ZPBP: variants seen among roughly 807,000 people sequenced by gnomAD.
ZPBP encodes zona pellucida-binding protein 1.
A neutral mutation model predicts 44.8 loss-of-function variants in ZPBP; 26 were observed. The observed-to-expected ratio is 0.58, with a 90% CI of 0.43 to 0.81. The LOEUF is 0.81. Ranked by LOEUF, ZPBP falls within the 30% of genes least tolerant of loss-of-function variation. The pLI, the probability that ZPBP is intolerant of heterozygous loss-of-function variation, is 0.00. For synonymous variants in ZPBP, 174 were observed against 153.2 expected, an observed-to-expected ratio of 1.14 and a Z score of -1.00; for missense variants, 409 against 434.0, an observed-to-expected ratio of 0.94 and a Z score of 0.51.
intron 3 of ZPBP, among the ~76,000 whole-genome samples, chr7:50,080,859 T>C (rs1802320384): frequency 6.6e-6 from 1 of 151,768 alleles, no homozygotes; most frequent in African/African-American, 2.4e-5. Flanking sequence ...GCAGAGGTTA[T>C]GTCTGATCTT....
intron 6 of ZPBP, among the ~76,000 whole-genome samples, chr7:49,988,708 G>T (rs1797431233): frequency 6.6e-6 from 1 of 152,126 alleles, no homozygotes; most frequent in Admixed American, 6.5e-5. Context: ...ACTCTGACAG[G>T]CAGTCTCAAA....
chr7:49,950,009 A>C (rs1795268252), intron 7 of ZPBP, among the ~76,000 whole-genome samples: 1 of 151,938 alleles, frequency 6.6e-6, no homozygotes, highest in Non-Finnish European at 1.5e-5. Context: ...CCAATATTAG[A>C]TAAAGACCTT....
chr7:49,849,875 G>A (rs1790106969), downstream of ZPBP, among the ~76,000 whole-genome samples: 1 of 152,216 alleles, frequency 6.6e-6, no homozygotes, highest in African/African-American at 2.4e-5. Context: ...GGGACTGAGA[G>A]GACCCTGGAG....
intron 4 of ZPBP, among the ~76,000 whole-genome samples, chr7:50,038,658 T>C (rs1799930221): frequency 1.3e-5 from 2 of 152,352 alleles, no homozygotes; most frequent in South Asian, 4.1e-4. Context: ...CCAGAGTTGC[T>C]ACAATATACA....
chr7:50,024,849 G>T (rs1166236468), intron 5 of ZPBP, among the ~76,000 whole-genome samples: 2 of 151,848 alleles, frequency 1.3e-5, no homozygotes, highest in African/African-American at 4.8e-5. Flanking sequence ...TCTTACCATG[G>T]GGTGGAGGGG....
At chr7:50,034,180 A>AG (rs1799726896) in intron 4 of ZPBP, among the ~76,000 whole-genome samples, 1 of 150,476 alleles carries the variant, frequency 6.6e-6, no homozygotes, top group Admixed American at 6.6e-5. Flanking sequence ...TTTGTTTTTG[A>AG]GGGTTTTTTT....
chr7:49,905,724 C>T (rs1793049200), intron 1 of ZPBP, among the ~76,000 whole-genome samples: 1 of 152,136 alleles, frequency 6.6e-6, no homozygotes, highest in South Asian at 2.1e-4. Flanking sequence ...GGGCTGCATT[C>T]CCAGATGGTT....
chr7:49,936,760 AAT>A (rs1794630815), downstream of ZPBP, among the ~76,000 whole-genome samples: 1 of 152,240 alleles, frequency 6.6e-6, no homozygotes, highest in South Asian at 2.1e-4. Context: ...ATGAGTAATT[AAT>A]ATCTGTTATA....
intron 6 of ZPBP, among the ~76,000 whole-genome samples, chr7:49,993,457 C>T (rs1376893374): frequency 6.6e-6 from 1 of 151,992 alleles, no homozygotes; most frequent in Admixed American, 6.6e-5. Context: ...TTGAAACATT[C>T]CAATTAAAAT....
At chr7:50,025,603 T>C (rs1228708202) in intron 5 of ZPBP, among the ~76,000 whole-genome samples, 4 of 151,862 alleles carry the variant, frequency 2.6e-5, no homozygotes, top group Non-Finnish European at 5.9e-5. Context: ...TCTAGACTTA[T>C]ACCTTTCACC....
intron 6 of ZPBP, among the ~76,000 whole-genome samples, chr7:50,000,205 T>C (rs1163428042): frequency 6.6e-6 from 1 of 152,170 alleles, no homozygotes; most frequent in Admixed American, 6.5e-5. Context: ...AATATTCTAA[T>C]TTTAAGCCTT....
intron 4 of ZPBP, among the ~76,000 whole-genome samples, chr7:50,038,278 A>G (rs1283411816): frequency 6.6e-6 from 1 of 152,178 alleles, no homozygotes; most frequent in Non-Finnish European, 1.5e-5. Context: ...ATCTCAAAGG[A>G]ACTGGTTTCA....
chr7:50,038,568 C>A (rs1239874217), intron 4 of ZPBP, among the ~76,000 whole-genome samples: 1 of 152,126 alleles, frequency 6.6e-6, no homozygotes, highest in Non-Finnish European at 1.5e-5. Flanking sequence ...TCAGAGATAG[C>A]CCTGCCAAAA....
At chr7:49,877,610 C>T (rs1247732767) in intron 2 of ZPBP, among the ~76,000 whole-genome samples, 3 of 141,720 alleles carry the variant, frequency 2.1e-5, no homozygotes, top group Middle Eastern at 7.4e-3. Flanking sequence ...ATGGATGGAC[C>T]AAATTTGGTC....
At chr7:50,089,251 C>T (rs1036976039) in intron 2 of ZPBP, among the ~76,000 whole-genome samples, 2 of 151,962 alleles carry the variant, frequency 1.3e-5, no homozygotes, top group Non-Finnish European at 2.9e-5. Flanking sequence ...TTAAAAACCA[C>T]CAAAACAAGT....
chr7:50,076,129 G>A (rs925185666), intron 3 of ZPBP, among the ~76,000 whole-genome samples: 9 of 151,814 alleles, frequency 5.9e-5, no homozygotes, highest in African/African-American at 2.2e-4. Context: ...GATATATCAT[G>A]TTAACAGAAT....
chr7:49,955,157 G>A (rs1393707788), intron 7 of ZPBP, among the ~76,000 whole-genome samples: 1 of 152,042 alleles, frequency 6.6e-6, no homozygotes, highest in African/African-American at 2.4e-5. Flanking sequence ...AATAAAATTA[G>A]TGGGCTATAG....
chr7:49,964,324 T>A (rs984071559), intron 7 of ZPBP, among the ~76,000 whole-genome samples: 4 of 151,912 alleles, frequency 2.6e-5, no homozygotes, highest in Non-Finnish European at 4.4e-5. Context: ...ATAGACAACA[T>A]AAAGTTTAAA....
intron 1 of ZPBP, among the ~76,000 whole-genome samples, chr7:49,924,643 G>C (rs1053923170): frequency 4.6e-5 from 7 of 152,170 alleles, no homozygotes; most frequent in African/African-American, 4.8e-5. Context: ...GCTGTCACTA[G>C]AGACTCTGCA....
Sources: gnomAD v4.1 joint callset for allele counts (sites outside exome capture counted in the v4.1 genomes callset) on GRCh38, gnomAD v4.1.1 for gene constraint, MANE v1.5 for transcripts, NCBI Gene and HGNC (gene_info 2026-07-23, HGNC 2026-07-21) for gene names.